PARVA: variants seen among roughly 807,000 people sequenced by gnomAD.
The protein encoded by PARVA is alpha-parvin.
PARVA carries 25 observed loss-of-function variants against 52.6 expected under a neutral mutation model. The observed-to-expected ratio is 0.48, with a 90% CI of 0.35 to 0.66. PARVA has a LOEUF of 0.66. Among genes scored for constraint, PARVA ranks in the 30% least tolerant of loss-of-function variants. PARVA has a pLI of 0.01. For synonymous variants in PARVA, 185 were observed against 179.1 expected (o/e 1.03, Z -0.26); for missense variants, 373 against 450.9 (o/e 0.83, Z 1.56).
intron 1 of PARVA, among the ~76,000 whole-genome samples, chr11:12,401,849 C>G (rs139438547): frequency 2.6e-5 from 4 of 152,296 alleles, no homozygotes; most frequent in African/African-American, 9.6e-5. Flanking sequence ...TGCACAGTAG[C>G]TAAGGTGTAA....
rs1324888676 is a variant in PARVA, at chr11:12,533,463, A to C, written c.*5538A>C. On this transcript the variant is annotated 3_prime_UTR_variant, in exon 13 of 13. Transcript: ENST00000334956. ...ATGCCCACCACATTATATAAAATCT[A>C]CCAAAAGGGGGTCACTTAATGTTTC... Among the ~76,000 whole-genome samples, 1 of 152,184 alleles carries C rather than the reference A, an allele frequency of 6.6e-6. No homozygotes were observed. Among genetic ancestry groups the C allele is most frequent in the African/African-American group, 2.4e-5 (1 of 41,444 alleles).
At chr11:12,409,120 C>T (rs1939956091) in intron 1 of PARVA, among the ~76,000 whole-genome samples, 1 of 152,192 alleles carries the variant, frequency 6.6e-6, no homozygotes, top group Non-Finnish European at 1.5e-5. Flanking sequence ...TATGGAAAGT[C>T]ATTAGAGGAT....
chr11:12,439,698 C>T (rs533508298), intron 1 of PARVA, among the ~76,000 whole-genome samples: 69 of 152,304 alleles, frequency 4.5e-4, no homozygotes, highest in Non-Finnish European at 7.6e-4. Context: ...CATGCTGCTC[C>T]TCCCACCCCA....
intron 7 of PARVA, 109 bp downstream of exon 7, chr11:12,508,751 G>T: frequency 2.3e-6 from 2 of 867,504 alleles, no homozygotes; most frequent in Non-Finnish European, 3.8e-6. Flanking sequence ...TTGCAGGAGG[G>T]ATTAGACTTC....
At position 12,502,910 on chromosome 11, in the gene PARVA, C is replaced by A. The variant is rs1941381361; in HGVS notation, c.542-1404C>A. ...AGATGAGCAAATTAAGGCTCAGAGG[C>A]CTTCGGTGGCCTACCCTACCCAAGG... On this transcript the variant is annotated intron_variant, in intron 5 of 12. Transcript: ENST00000334956. 2.0e-5 allele frequency among the ~76,000 whole-genome samples: 3 copies of A among 151,922 alleles called. No homozygotes were observed. In the South Asian group the frequency reaches 6.2e-4, roughly 32 times the overall value.
intron 12 of PARVA, among the ~76,000 whole-genome samples, chr11:12,519,332 T>C (rs1469665647): frequency 6.6e-6 from 1 of 152,056 alleles, no homozygotes; most frequent in African/African-American, 2.4e-5. Context: ...AGCTCCTCTA[T>C]CCAAACCCCC....
intron 1 of PARVA, among the ~76,000 whole-genome samples, chr11:12,460,517 A>G (rs146196097): frequency 1.6e-4 from 24 of 152,300 alleles, no homozygotes; most frequent in African/African-American, 5.3e-4. Flanking sequence ...ATGACAGGAG[A>G]GAGTTTCCAC....
At chr11:12,423,182 ATTTTTTTT>A (rs34667589) in intron 1 of PARVA, among the ~76,000 whole-genome samples, 1 of 132,930 alleles carries the variant, frequency 7.5e-6, no homozygotes, top group African/African-American at 2.8e-5. Flanking sequence ...CATTAAGGAG[ATTTTTTTT>A]TTTTTTTTTT....
chr11:12,514,020 G>A lies in PARVA; in HGVS notation c.822G>A (p.Lys274=). The A allele has an allele frequency of 6.2e-7, 1 of 1,614,088 alleles. No individual in the cohort carries two copies. Among genetic ancestry groups the A allele is most frequent in the Non-Finnish European group, 8.5e-7 (1 of 1,179,950 alleles). ...AGACACTCATCACTTTCGTGAACAA[G>A]CACCTGAATAAACTGAACCTGGAGG... ...VKKTLITFVN[K]HLNKLNLEVT... Residue 274 remains lysine, a synonymous_variant, in exon 10 of 13, where the codon AAG becomes AAA. Coordinates refer to ENST00000334956, the MANE Select transcript of PARVA (RefSeq NM_018222.5).
At chr11:12,511,405 G>T (rs965492255) in intron 7 of PARVA, 109 bp from the exon 8 acceptor site, 2 of 1,192,210 alleles carry the variant, frequency 1.7e-6, no homozygotes, top group Admixed American at 2.0e-5. Context: ...GTGGGTGGCA[G>T]GCAGCATGGG....
At chr11:12,435,230 C>A (rs1021429375) in intron 1 of PARVA, among the ~76,000 whole-genome samples, 1 of 152,202 alleles carries the variant, frequency 6.6e-6, no homozygotes, top group Non-Finnish European at 1.5e-5. Context: ...AAGGCTCCCC[C>A]CTCTCTCTGA....
At chr11:12,474,055 G>T in intron 3 of PARVA, 72 bp downstream of exon 3, 1 of 1,240,828 alleles carries the variant, frequency 8.1e-7, no homozygotes, top group Admixed American at 2.0e-5. Context: ...CCTGCTCTGT[G>T]CAGGTACCCC....
chr11:12,471,597 A>C (rs1199494629), intron 1 of PARVA, among the ~76,000 whole-genome samples: 2 of 902 alleles, frequency 2.2e-3, no homozygotes, highest in African/African-American at 2.4e-3. Context: ...TAGCAAACTA[A>C]CAGGAGCAGA....
intron 1 of PARVA, among the ~76,000 whole-genome samples, chr11:12,378,631 T>C (rs1939441495): frequency 6.7e-6 from 1 of 149,506 alleles, no homozygotes; most frequent in African/African-American, 2.5e-5. Context: ...TTTTTTCCCA[T>C]GCACAGATTT....
At chr11:12,401,181 A>G (rs1939822611) in intron 1 of PARVA, among the ~76,000 whole-genome samples, 1 of 152,224 alleles carries the variant, frequency 6.6e-6, no homozygotes, top group Non-Finnish European at 1.5e-5. Context: ...ATTTTTAAGC[A>G]AGACAAAAGA....
At chr11:12,471,518 T>C (rs1403813749) in intron 1 of PARVA, among the ~76,000 whole-genome samples, 1 of 152,218 alleles carries the variant, frequency 6.6e-6, no homozygotes, top group Non-Finnish European at 1.5e-5. Flanking sequence ...TGGAACACTA[T>C]GCAGCCATGA....
intron 7 of PARVA, 53 bp from the exon 8 acceptor site, chr11:12,511,461 C>T: frequency 6.3e-7 from 1 of 1,594,356 alleles, no homozygotes; most frequent in Admixed American, 1.7e-5. Flanking sequence ...GGACTGGCCT[C>T]TTATAAGGGA....
At chr11:12,491,051 C>T (rs569451836) in intron 4 of PARVA, among the ~76,000 whole-genome samples, 8 of 151,970 alleles carry the variant, frequency 5.3e-5, no homozygotes, top group East Asian at 1.9e-4. Context: ...TCGGAAAACC[C>T]ACTAAATAGA....
chr11:12,468,227 C>G (rs1940882050), intron 1 of PARVA, among the ~76,000 whole-genome samples: 1 of 152,212 alleles, frequency 6.6e-6, no homozygotes, highest in Admixed American at 6.5e-5. Context: ...TTTCCCACCA[C>G]CTTGAGCAGA....
Sources: gnomAD v4.1 joint callset for allele counts (sites outside exome capture counted in the v4.1 genomes callset) on GRCh38, gnomAD v4.1.1 for gene constraint, MANE v1.5 for transcripts, NCBI Gene and HGNC (gene_info 2026-07-23, HGNC 2026-07-21) for gene names.